PDS5B: variants seen among roughly 807,000 people sequenced by gnomAD.
PDS5B encodes the protein sister chromatid cohesion protein PDS5 homolog B.
PDS5B carries 51 observed loss-of-function variants against 184.1 expected under a neutral mutation model. The observed-to-expected ratio is 0.28, with a 90% CI of 0.22 to 0.35. The LOEUF is 0.35. Among genes scored for constraint, PDS5B ranks in the 10% least tolerant of loss-of-function variants. PDS5B has a pLI of 1.00. For synonymous variants in PDS5B, 566 were observed against 569.2 expected, an observed-to-expected ratio of 0.99 and a Z score of 0.08; for missense variants, 1,180 against 1,723.3, an observed-to-expected ratio of 0.68 and a Z score of 5.58.
chr13:32,654,403 T>C (rs1950445165), intron 3 of PDS5B, among the ~76,000 whole-genome samples: 1 of 152,180 alleles, frequency 6.6e-6, no homozygotes, highest in Non-Finnish European at 1.5e-5. Flanking sequence ...ACTGTTGTCT[T>C]TCCATCGCTA....
At chr13:32,610,343 C>G (rs549699876) in intron 1 of PDS5B, among the ~76,000 whole-genome samples, 1 of 152,318 alleles carries the variant, frequency 6.6e-6, no homozygotes, top group Non-Finnish European at 1.5e-5. Context: ...TAATGATATT[C>G]TCTGAAAGAC....
intron 19 of PDS5B, among the ~76,000 whole-genome samples, chr13:32,717,559 G>GC: frequency 7.4e-6 from 1 of 135,294 alleles, no homozygotes; most frequent in Non-Finnish European, 1.6e-5. Flanking sequence ...ACTGCGGAAG[G>GC]CCGCAGGGTC....
intron 18 of PDS5B, among the ~76,000 whole-genome samples, chr13:32,707,455 A>T (rs563405433): frequency 1.3e-5 from 2 of 151,988 alleles, no homozygotes; most frequent in African/African-American, 4.8e-5. Context: ...TAGGTTGATC[A>T]TACATAAACA....
At chr13:32,628,517 C>T (rs1388924360) in intron 1 of PDS5B, among the ~76,000 whole-genome samples, 7 of 148,452 alleles carry the variant, frequency 4.7e-5, no homozygotes, top group Non-Finnish European at 1.0e-4. Flanking sequence ...CACTGCACTC[C>T]AGTCTGGGCG....
intron 12 of PDS5B, among the ~76,000 whole-genome samples, chr13:32,687,829 T>TTA (rs2140826194): frequency 6.6e-6 from 1 of 152,322 alleles, no homozygotes; most frequent in African/African-American, 2.4e-5. Context: ...ATTTGATAGG[T>TTA]TATTAGTGGA....
At chr13:32,661,885 G>T (rs1268718016) in intron 6 of PDS5B, among the ~76,000 whole-genome samples, 1 of 152,118 alleles carries the variant, frequency 6.6e-6, no homozygotes, top group African/African-American at 2.4e-5. Context: ...GTGGTTTAAT[G>T]GAATTAGTAA....
At chr13:32,637,007 G>A (rs2058572968) in intron 1 of PDS5B, among the ~76,000 whole-genome samples, 1 of 152,178 alleles carries the variant, frequency 6.6e-6, no homozygotes, top group Non-Finnish European at 1.5e-5. Flanking sequence ...TTGGTTTAGT[G>A]TCTTCAAGGA....
intron 13 of PDS5B, chr13:32,690,981 T>G (rs898976868): frequency 2.6e-5 from 4 of 152,074 alleles, no homozygotes; most frequent in Admixed American, 6.6e-5. Context: ...TATCTGTGGT[T>G]GTTTTCTCCA....
At chr13:32,587,003 TCGCCGC>T (rs1176659377) in intron 1 of PDS5B, among the ~76,000 whole-genome samples, 8,327 of 119,026 alleles carry the variant, frequency 0.07, 662 homozygotes, top group African/African-American at 0.22. Context: ...GCCGCCGCCG[TCGCCGC>T]CGCCGCGCCC....
At chr13:32,696,556 A>G (rs551603985) in intron 14 of PDS5B, among the ~76,000 whole-genome samples, 1 of 151,952 alleles carries the variant, frequency 6.6e-6, no homozygotes, top group African/African-American at 2.4e-5. Context: ...TCTAAAAAAA[A>G]AAAACAAAAC....
At chr13:32,737,478 A>G (rs1465888545) in intron 21 of PDS5B, among the ~76,000 whole-genome samples, 17 of 152,100 alleles carry the variant, frequency 1.1e-4, no homozygotes, top group Non-Finnish European at 1.5e-5. Flanking sequence ...AGAATCATTA[A>G]TCGTCTGTGT....
At chr13:32,626,623 T>C (rs2058374917) in intron 1 of PDS5B, among the ~76,000 whole-genome samples, 1 of 152,176 alleles carries the variant, frequency 6.6e-6, no homozygotes, top group Admixed American at 6.5e-5. Context: ...TTTTTTTTAT[T>C]TTCTTTGCCT....
chr13:32,737,579 G>C (rs1333116968), intron 21 of PDS5B, among the ~76,000 whole-genome samples: 1 of 152,134 alleles, frequency 6.6e-6, no homozygotes, highest in Non-Finnish European at 1.5e-5. Context: ...TTTGGTAGCT[G>C]TCTGTTGCCT....
rs533158659 is a variant in PDS5B at position 32,646,673 on chromosome 13, G to T, written c.-19-2081G>T. Among the ~76,000 whole-genome samples, 19 of 149,758 alleles carry T rather than the reference G, an allele frequency of 1.3e-4. 1 individual carries two copies. The highest frequency in any genetic ancestry group is 4.7e-4 in the African/African-American group (19 of 40,660). On this transcript the variant is annotated intron_variant, in intron 1 of 34. Coordinates refer to ENST00000315596, the MANE Select transcript of PDS5B (RefSeq NM_015032.4). Reference sequence around the variant, plus strand: ...TCAGCATGTATCCACTTTTTTCATTGTCTTTTAAGGTGTTTATGTTGAAAT... The same window carrying T: ...TCAGCATGTATCCACTTTTTTCATTTTCTTTTAAGGTGTTTATGTTGAAAT...
At chr13:32,638,935 A>G (rs542648398) in intron 1 of PDS5B, among the ~76,000 whole-genome samples, 37 of 151,910 alleles carry the variant, frequency 2.4e-4, no homozygotes, top group Non-Finnish European at 3.8e-4. Context: ...TGTTTTCTCA[A>G]TGAAGCAACA....
At chr13:32,695,735 G>GTATT (rs1364563239) in intron 14 of PDS5B, among the ~76,000 whole-genome samples, 1 of 151,934 alleles carries the variant, frequency 6.6e-6, no homozygotes, top group African/African-American at 2.4e-5. Context: ...TAAAATTTAT[G>GTATT]TATTTAGTTG....
intron 6 of PDS5B, among the ~76,000 whole-genome samples, chr13:32,666,548 G>A (rs1446980064): frequency 6.6e-6 from 1 of 151,780 alleles, no homozygotes; most frequent in African/African-American, 2.4e-5. Flanking sequence ...GTGTATACAT[G>A]TATCAAAATA....
chr13:32,606,853 G>T (rs944905722), intron 1 of PDS5B, among the ~76,000 whole-genome samples: 1 of 152,126 alleles, frequency 6.6e-6, no homozygotes, highest in African/African-American at 2.4e-5. Flanking sequence ...CACTTGATCA[G>T]ATCGGCTACT....
At chr13:32,604,220 A>C (rs2058025000) in intron 1 of PDS5B, among the ~76,000 whole-genome samples, 1 of 152,146 alleles carries the variant, frequency 6.6e-6, no homozygotes, top group South Asian at 2.1e-4. Context: ...GTTTGTCATA[A>C]ATAGCTCTTC....
Sources: gnomAD v4.1 joint callset for allele counts (sites outside exome capture counted in the v4.1 genomes callset) on GRCh38, gnomAD v4.1.1 for gene constraint, MANE v1.5 for transcripts, NCBI Gene and HGNC (gene_info 2026-07-23, HGNC 2026-07-21) for gene names.